The following SLC24A3 variants were observed in gnomAD, a reference collection of about 807,000 sequenced individuals.
The protein encoded by SLC24A3 is solute carrier family 24 member 3, also known as sodium/potassium/calcium exchanger 3.
A neutral mutation model predicts 75.8 loss-of-function variants in SLC24A3; 28 were observed. The observed-to-expected ratio is 0.37, with a 90% CI of 0.27 to 0.51. SLC24A3 has a LOEUF of 0.51. Ranked by LOEUF, SLC24A3 falls within the 20% of genes least tolerant of loss-of-function variation. The probability of loss-of-function intolerance (pLI) is 0.94; values close to 1 mark genes in which losing one functional copy is unlikely to be tolerated. For missense variants in SLC24A3, 663 were observed against 847.8 expected (o/e 0.78, Z 2.71); for synonymous variants, 372 against 334.1 (o/e 1.11, Z -1.24).
chr20:19,511,558 A>G (rs1315950322), intron 2 of SLC24A3, among the ~76,000 whole-genome samples: 1 of 151,820 alleles, frequency 6.6e-6, no homozygotes, highest in African/African-American at 2.4e-5. Context: ...CAATCTCCTG[A>G]CCTTGTGATC....
intron 1 of SLC24A3, among the ~76,000 whole-genome samples, chr20:19,246,088 T>C (rs1982476875): frequency 6.6e-6 from 1 of 152,148 alleles, no homozygotes; most frequent in Non-Finnish European, 1.5e-5. Flanking sequence ...TACGTGGCCA[T>C]AACACAAGTC....
chr20:19,469,158 A>G, intron 2 of SLC24A3, among the ~76,000 whole-genome samples: 1 of 152,092 alleles, frequency 6.6e-6, no homozygotes, highest in East Asian at 1.9e-4. Flanking sequence ...ATTGTGACAG[A>G]AGCGGACGGA....
At chr20:19,545,268 C>T (rs2030568971) in intron 3 of SLC24A3, among the ~76,000 whole-genome samples, 1 of 152,142 alleles carries the variant, frequency 6.6e-6, no homozygotes, top group Non-Finnish European at 1.5e-5. Flanking sequence ...CGTGAGCAGT[C>T]CAGACAGCAA....
intron 10 of SLC24A3, among the ~76,000 whole-genome samples, chr20:19,683,755 G>A (rs1057285852): frequency 2.0e-5 from 3 of 152,264 alleles, no homozygotes; most frequent in African/African-American, 4.8e-5. Flanking sequence ...ATTCTCTTAT[G>A]GTATCATTAA....
chr20:19,660,724 T>C (rs1275780564), intron 7 of SLC24A3, among the ~76,000 whole-genome samples: 2 of 152,166 alleles, frequency 1.3e-5, no homozygotes, highest in Non-Finnish European at 2.9e-5. Context: ...ACTGGAAAAC[T>C]TGAGGTCCTT....
chr20:19,518,386 G>T (rs2030036912), intron 3 of SLC24A3, among the ~76,000 whole-genome samples: 2 of 152,226 alleles, frequency 1.3e-5, no homozygotes, highest in Non-Finnish European at 2.9e-5. Flanking sequence ...GTCAGCACCT[G>T]CCATGCACCA....
rs1349870921 is a variant in SLC24A3 at position 19,685,136 on chromosome 20, G to A, written c.1099G>A (p.Gly367Arg). The A allele has an allele frequency of 1.9e-6, 3 of 1,613,476 alleles. No homozygotes were observed. The highest frequency in any genetic ancestry group is 2.2e-5 in the South Asian group (2 of 91,060). Residue 367 changes from glycine (G) to arginine (R), a missense_variant, in exon 12 of 17, where the codon GGG becomes AGG. By Grantham distance (125) the Gly-to-Arg change is moderately radical. This residue lies in a region of SLC24A3 where 510 missense variants were observed against 703.6 expected (regional missense o/e 0.72). Transcript: ENST00000328041. The stretch of plus-strand genomic sequence containing the variant: ...GATAAACAGCAGGGCTTATACCAAC[G>A]GGGAATCTGAGGTGGCCATCAAAAT... ...RLINSRAYTN[G>R]ESEVAIKIPI...
Position 19,362,684 on chromosome 20 carries a change from A to G in SLC24A3, c.271+81597A>G, listed in dbSNP as rs61266240. 2.6e-3 allele frequency among the ~76,000 whole-genome samples: 399 copies of G among 152,256 alleles called. 3 individuals are homozygous for G. The highest frequency in any genetic ancestry group is 9.4e-3 in the African/African-American group (389 of 41,552). The stretch of plus-strand genomic sequence containing the variant: ...ACCACCAACCATGTGGGTCTCCCAA[A>G]GTAGAAGGAGGACTTGAACCGACGT... On this transcript the variant is annotated intron_variant, in intron 2 of 16. Transcript: ENST00000328041.
chr20:19,328,225 G>A (rs1984915779), intron 2 of SLC24A3, among the ~76,000 whole-genome samples: 1 of 151,972 alleles, frequency 6.6e-6, no homozygotes, highest in Admixed American at 6.6e-5. Context: ...TGAGGGAGGA[G>A]GAGAGGAGTT....
intron 1 of SLC24A3, among the ~76,000 whole-genome samples, chr20:19,232,721 T>C (rs1182586123): frequency 6.6e-6 from 1 of 152,256 alleles, no homozygotes; most frequent in Non-Finnish European, 1.5e-5. Context: ...GGCTAAGCTA[T>C]CTGCCTTTAG....
At chr20:19,281,773 G>A (rs76849767) in intron 2 of SLC24A3, among the ~76,000 whole-genome samples, 4,356 of 152,094 alleles carry the variant, frequency 0.029, 95 homozygotes, top group Non-Finnish European at 0.043. Flanking sequence ...TTCTGGAAAG[G>A]GCCAGACAGT....
intron 2 of SLC24A3, among the ~76,000 whole-genome samples, chr20:19,351,603 C>T (rs1390391171): frequency 1.3e-5 from 2 of 152,124 alleles, no homozygotes; most frequent in East Asian, 1.9e-4. Flanking sequence ...GTTTTCCTCT[C>T]CCAGCCTCCC....
rs969389307 is a variant in SLC24A3 at position 19,241,680 on chromosome 20, G to C, written c.142+28696G>C. ...AACTAGCACTTCAGTCTGCGTCAGT[G>C]GTGCTTGTGGACAGATAACGGTGTC... On this transcript the variant is annotated intron_variant, in intron 1 of 16. Coordinates refer to ENST00000328041, the MANE Select transcript of SLC24A3 (RefSeq NM_020689.4). 4.6e-5 allele frequency among the ~76,000 whole-genome samples: 7 copies of C among 152,330 alleles called. No homozygotes were observed. In the East Asian group the frequency reaches 9.6e-4, roughly 21 times the overall value.
intron 6 of SLC24A3, among the ~76,000 whole-genome samples, chr20:19,622,379 A>G (rs2031815683): frequency 1.3e-5 from 2 of 152,224 alleles, no homozygotes; most frequent in Non-Finnish European, 2.9e-5. Context: ...TCATTTCTAG[A>G]GTATCCTTTA....
chr20:19,240,586 T>G (rs753877764), intron 1 of SLC24A3, among the ~76,000 whole-genome samples: 16 of 152,268 alleles, frequency 1.1e-4, no homozygotes, highest in Non-Finnish European at 1.9e-4. Context: ...AAAAGGAATC[T>G]CAGACCTCCT....
intron 7 of SLC24A3, among the ~76,000 whole-genome samples, chr20:19,663,420 T>TCCACCTCCA (rs1568689537): frequency 3.1e-5 from 2 of 64,482 alleles, no homozygotes; most frequent in Non-Finnish European, 5.6e-5. Flanking sequence ...CTCCTCCTCC[T>TCCACCTCCA]CCTCCTCCTC....
intron 3 of SLC24A3, among the ~76,000 whole-genome samples, chr20:19,574,574 A>C (rs2031101843): frequency 6.6e-6 from 1 of 152,188 alleles, no homozygotes; most frequent in South Asian, 2.1e-4. Flanking sequence ...TAGCCAGGAC[A>C]ACTGAGGTGA....
At chr20:19,504,052 G>A (rs1988427280) in intron 2 of SLC24A3, among the ~76,000 whole-genome samples, 1 of 152,280 alleles carries the variant, frequency 6.6e-6, no homozygotes, top group Middle Eastern at 3.4e-3. Flanking sequence ...AACCATGGTA[G>A]ACATTGCTAA....
intron 2 of SLC24A3, among the ~76,000 whole-genome samples, chr20:19,304,088 A>G (rs1051686626): frequency 6.6e-6 from 1 of 152,240 alleles, no homozygotes; most frequent in African/African-American, 2.4e-5. Flanking sequence ...TCAACGGAAT[A>G]TAATGTCCCC....
Sources: gnomAD v4.1 joint callset for allele counts (sites outside exome capture counted in the v4.1 genomes callset) on GRCh38, gnomAD v4.1.1 for gene constraint, gnomAD v4.1.1 regional missense constraint, MANE v1.5 for transcripts, NCBI Gene and HGNC (gene_info 2026-07-23, HGNC 2026-07-21) for gene names.